The following TMTC1 variants were observed in gnomAD, a reference collection of about 807,000 sequenced individuals.
TMTC1 encodes transmembrane O-mannosyltransferase targeting cadherins 1.
TMTC1 carries 73 observed loss-of-function variants against 104.8 expected under a neutral mutation model. The observed-to-expected ratio is 0.70, with a 90% CI of 0.58 to 0.85. The LOEUF (loss-of-function observed/expected upper bound fraction) is 0.85. Among genes scored for constraint, TMTC1 ranks in the 40% least tolerant of loss-of-function variants. The probability of loss-of-function intolerance (pLI) is 0.00; values close to 1 mark genes in which losing one functional copy is unlikely to be tolerated. For missense variants in TMTC1, 1,035 were observed against 1,096.1 expected, an observed-to-expected ratio of 0.94 and a Z score of 0.79; for synonymous variants, 434 against 428.7, an observed-to-expected ratio of 1.01 and a Z score of -0.15.
At chr12:29,705,748 T>C (rs1941722476) in intron 5 of TMTC1, among the ~76,000 whole-genome samples, 1 of 152,172 alleles carries the variant, frequency 6.6e-6, no homozygotes, top group African/African-American at 2.4e-5. Flanking sequence ...CACTTGTCAA[T>C]CTGTCTTTTG....
At chr12:29,597,218 T>C (rs1039997877) in intron 7 of TMTC1, among the ~76,000 whole-genome samples, 1 of 150,048 alleles carries the variant, frequency 6.7e-6, no homozygotes, top group Non-Finnish European at 1.5e-5. Context: ...CTTTTCTTTT[T>C]CTTTTTCTTT....
chr12:29,666,999 C>A (rs955603108), intron 5 of TMTC1, among the ~76,000 whole-genome samples: 2 of 152,128 alleles, frequency 1.3e-5, no homozygotes, highest in Non-Finnish European at 2.9e-5. Flanking sequence ...AGATTTACTG[C>A]TTCTCTTTGA....
At chr12:29,745,498 G>A (rs958648345) in intron 5 of TMTC1, among the ~76,000 whole-genome samples, 3 of 151,304 alleles carry the variant, frequency 2.0e-5, no homozygotes, top group Non-Finnish European at 4.4e-5. Context: ...TGGCACACCT[G>A]TAATCCCAGC....
intron 5 of TMTC1, among the ~76,000 whole-genome samples, chr12:29,720,229 C>G (rs1591972692): frequency 6.6e-6 from 1 of 152,144 alleles, no homozygotes; most frequent in Non-Finnish European, 1.5e-5. Flanking sequence ...TAAATCCATA[C>G]TCTTTCTCCT....
intron 13 of TMTC1, 75 bp downstream of exon 13, chr12:29,518,397 C>A: frequency 6.4e-7 from 1 of 1,550,614 alleles, no homozygotes; most frequent in Non-Finnish European, 8.7e-7. Flanking sequence ...CACACCTATT[C>A]TGATTAACTA....
intron 11 of TMTC1, chr12:29,529,780 A>C (rs1944449381): frequency 6.6e-6 from 1 of 152,190 alleles, no homozygotes; most frequent in Non-Finnish European, 1.5e-5. Flanking sequence ...TTTCATATCC[A>C]ACTAAAATGA....
At chr12:29,698,148 C>T (rs973822145) in intron 5 of TMTC1, among the ~76,000 whole-genome samples, 1 of 152,180 alleles carries the variant, frequency 6.6e-6, no homozygotes, top group African/African-American at 2.4e-5. Flanking sequence ...AGTTTTCATT[C>T]ACTAAACTCA....
rs1387526663 is a variant in TMTC1, at chr12:29,701,020, ATTTC to A, written c.938+50642_938+50645del. ...AGCAAACTTCCCAATTCCCAGCAGA[ATTTC>A]TTTCTTTTTTTTTTTTTTCTGAGAT... On this transcript the variant is annotated intron_variant, in intron 5 of 17. Transcript: ENST00000539277. 9.5e-5 allele frequency among the ~76,000 whole-genome samples: 14 copies of A among 147,542 alleles called. No homozygotes were observed. The East Asian group carries it at 2.2e-3, about 23-fold the overall frequency.
chr12:29,602,783 G>A (rs929997470), intron 7 of TMTC1, among the ~76,000 whole-genome samples: 2 of 152,070 alleles, frequency 1.3e-5, no homozygotes, highest in African/African-American at 4.8e-5. Flanking sequence ...TTTGTTAATT[G>A]GCAGTTAACT....
At chr12:29,557,141 C>A (rs774061344) in intron 9 of TMTC1, 141 bp from the exon 10 acceptor site, 16 of 943,600 alleles carry the variant, frequency 1.7e-5, no homozygotes, top group Non-Finnish European at 2.5e-5. Flanking sequence ...TGTGTCCAAT[C>A]TTACTGGTCA....
intron 10 of TMTC1, among the ~76,000 whole-genome samples, chr12:29,538,255 C>T (rs996710564): frequency 6.6e-6 from 1 of 152,208 alleles, no homozygotes; most frequent in African/African-American, 2.4e-5. Flanking sequence ...CATACACACA[C>T]TACGTTTACA....
rs59108744 is a variant in TMTC1 at position 29,600,008 on chromosome 12, A to ATATATT, written c.1250+4169_1250+4170insAATATA. Among the ~76,000 whole-genome samples the ATATATT allele has an allele frequency of 4.0e-4, 47 of 118,672 alleles. 1 individual carries two copies. Among genetic ancestry groups the ATATATT allele is most frequent in the African/African-American group, 1.4e-3 (37 of 26,118 alleles). The allele number at this position is 118,672 out of a possible 152,430, so 77.9% of individuals were successfully genotyped here. On this transcript the variant is annotated intron_variant, in intron 7 of 17. Coordinates refer to ENST00000539277, the MANE Select transcript of TMTC1 (RefSeq NM_001193451.2). ...TGTGTATATACATATATATATATATATTTTTTTTTTTTTTTCCCTCAAAAG... is the reference window on the plus strand; with the variant it reads ...TGTGTATATACATATATATATATATATATATTTTTTTTTTTTTTTTTCCCTCAAAAG...
At chr12:29,682,161 C>T (rs1940939964) in intron 5 of TMTC1, among the ~76,000 whole-genome samples, 1 of 152,058 alleles carries the variant, frequency 6.6e-6, no homozygotes, top group South Asian at 2.1e-4. Context: ...TGTCACTAGC[C>T]ATTAGGGAAA....
At chr12:29,635,867 G>T (rs1223179774) in intron 5 of TMTC1, among the ~76,000 whole-genome samples, 1 of 152,024 alleles carries the variant, frequency 6.6e-6, no homozygotes, top group Non-Finnish European at 1.5e-5. Context: ...AGGAGGGAGA[G>T]GGCATTTGCA....
chr12:29,778,104 C>T (rs1233038739), intron 1 of TMTC1, among the ~76,000 whole-genome samples: 3 of 152,146 alleles, frequency 2.0e-5, no homozygotes, highest in African/African-American at 7.2e-5. Context: ...TATTTTTTGG[C>T]TCTGACATTT....
chr12:29,707,821 C>CA (rs1162480812), intron 5 of TMTC1, among the ~76,000 whole-genome samples: 1 of 152,128 alleles, frequency 6.6e-6, no homozygotes, highest in African/African-American at 2.4e-5. Flanking sequence ...CCTGCCACAG[C>CA]ACTTAAAAAC....
chr12:29,615,859 T>C (rs114505817), intron 6 of TMTC1, among the ~76,000 whole-genome samples: 1,830 of 152,278 alleles, frequency 0.012, 29 homozygotes, highest in African/African-American at 0.042. Flanking sequence ...CGGTTGTTTT[T>C]GGAGGTACAA....
At chr12:29,728,908 G>C (rs1052055297) in intron 5 of TMTC1, among the ~76,000 whole-genome samples, 4 of 146,672 alleles carry the variant, frequency 2.7e-5, no homozygotes, top group African/African-American at 7.6e-5. Context: ...TGAGGCAGGA[G>C]AATCACTTGA....
At chr12:29,626,248 T>A (rs1233684823) in intron 6 of TMTC1, among the ~76,000 whole-genome samples, 1 of 152,128 alleles carries the variant, frequency 6.6e-6, no homozygotes, top group Non-Finnish European at 1.5e-5. Flanking sequence ...TTGGCAGAAA[T>A]AGGCATTAAG....
Sources: gnomAD v4.1 joint callset for allele counts (sites outside exome capture counted in the v4.1 genomes callset) on GRCh38, gnomAD v4.1.1 for gene constraint, MANE v1.5 for transcripts, NCBI Gene and HGNC (gene_info 2026-07-23, HGNC 2026-07-21) for gene names.